ATP6V1A: variants seen among roughly 807,000 people sequenced by gnomAD.
ATP6V1A encodes the protein V-type proton ATPase catalytic subunit A.
ATP6V1A carries 18 observed loss-of-function variants against 70.1 expected under a neutral mutation model. The ratio of observed to expected loss-of-function variants is 0.26; its 90% CI spans 0.18 to 0.38. ATP6V1A has a LOEUF of 0.38. ATP6V1A is among the 10% of genes least tolerant of loss of function. ATP6V1A has a pLI of 1.00. For missense variants in ATP6V1A, 424 were observed against 772.4 expected, an observed-to-expected ratio of 0.55 and a Z score of 5.35; for synonymous variants, 232 against 253.8, an observed-to-expected ratio of 0.91 and a Z score of 0.82.
intron 1 of ATP6V1A, among the ~76,000 whole-genome samples, chr3:113,770,404 A>G (rs1708822557): frequency 6.6e-6 from 1 of 151,686 alleles, no homozygotes; most frequent in Non-Finnish European, 1.5e-5. Context: ...TAGGCCGGGC[A>G]CGGTGGCTTA....
intron 1 of ATP6V1A, among the ~76,000 whole-genome samples, chr3:113,770,174 A>G (rs1171722836): frequency 6.6e-6 from 1 of 151,844 alleles, no homozygotes; most frequent in Non-Finnish European, 1.5e-5. Flanking sequence ...CCAGCCTCCC[A>G]AGTAGCTGGG....
At chr3:113,791,921 T>G (rs1487650662) in intron 8 of ATP6V1A, among the ~76,000 whole-genome samples, 1 of 149,586 alleles carries the variant, frequency 6.7e-6, no homozygotes, top group Non-Finnish European at 1.5e-5. Context: ...CCTTCAAGTT[T>G]GCAGAAGCTT....
At chr3:113,788,623 A>G (rs950990023) in intron 6 of ATP6V1A, 90 bp from the exon 7 acceptor site, 8 of 1,251,110 alleles carry the variant, frequency 6.4e-6, no homozygotes, top group Non-Finnish European at 8.9e-6. Context: ...TGCTGGGATT[A>G]CAGGCGTGAG....
chr3:113,784,632 G>A, intron 4 of ATP6V1A, 64 bp from the exon 5 acceptor site: 1 of 1,566,216 alleles, frequency 6.4e-7, no homozygotes, highest in African/African-American at 1.4e-5. Flanking sequence ...TTAAATTATA[G>A]CAGCAGGGGC....
chr3:113,781,517 C>T (rs376126071), intron 3 of ATP6V1A, among the ~76,000 whole-genome samples: 7 of 150,844 alleles, frequency 4.6e-5, no homozygotes, highest in African/African-American at 1.7e-4. Flanking sequence ...GACTCCATCT[C>T]AGAAAAGAAA....
intron 8 of ATP6V1A, among the ~76,000 whole-genome samples, chr3:113,793,178 G>A (rs1048561662): frequency 1.7e-4 from 26 of 152,042 alleles, no homozygotes; most frequent in African/African-American, 6.0e-4. Context: ...TACAACCTCA[G>A]CCTCCCGAGT....
At chr3:113,794,817 A>G (rs1709136362) in intron 8 of ATP6V1A, 55 bp from the exon 9 acceptor site, 5 of 1,552,774 alleles carry the variant, frequency 3.2e-6, no homozygotes, top group South Asian at 2.4e-5. Context: ...GTGGAAAAAA[A>G]CAGGATTTTT....
At chr3:113,774,899 CG>C (rs1215913403) in intron 1 of ATP6V1A, among the ~76,000 whole-genome samples, 6 of 150,834 alleles carry the variant, frequency 4.0e-5, no homozygotes, top group Admixed American at 6.6e-5. Context: ...GCATGTAGAA[CG>C]TTTTTTTATT....
intron 8 of ATP6V1A, among the ~76,000 whole-genome samples, chr3:113,793,068 T>C (rs576971283): frequency 6.6e-6 from 1 of 152,150 alleles, no homozygotes; most frequent in Non-Finnish European, 1.5e-5. Context: ...TTTGTTTGTT[T>C]GTTGGTTTTG....
At chr3:113,751,629 T>C (rs1341964906) in intron 1 of ATP6V1A, among the ~76,000 whole-genome samples, 2 of 151,484 alleles carry the variant, frequency 1.3e-5, no homozygotes, top group African/African-American at 4.8e-5. Flanking sequence ...TATGGTGAAA[T>C]GATAGCGACT....
chr3:113,764,437 T>C (rs757926596), intron 1 of ATP6V1A, among the ~76,000 whole-genome samples: 24 of 152,322 alleles, frequency 1.6e-4, no homozygotes, highest in Non-Finnish European at 3.2e-4. Context: ...TAGTATTGAT[T>C]ACAATTATGT....
In ATP6V1A at chr3:113,808,254, G is replaced by A. The variant is rs1709300489; in HGVS notation, c.1762-1081G>A. Among the ~76,000 whole-genome samples, 4 of 150,988 alleles carry A rather than the reference G, an allele frequency of 2.6e-5. No homozygotes were observed. The South Asian group carries it at 8.3e-4, about 31-fold the overall frequency. On this transcript the variant is annotated intron_variant, in intron 14 of 14. Coordinates refer to ENST00000273398, the MANE Select transcript of ATP6V1A (RefSeq NM_001690.4). ...TGGAGTCCCAGAAGTGGAATGATTG[G>A]GTTAGAGACCTGGAACATTTTAAAG...
At chr3:113,804,265 C>T (rs2108045073) in intron 13 of ATP6V1A, among the ~76,000 whole-genome samples, 1 of 151,992 alleles carries the variant, frequency 6.6e-6, no homozygotes, top group African/African-American at 2.4e-5. Context: ...AGTGTTGGGA[C>T]TCAGGCATGA....
Position 113,761,503 on chromosome 3 carries a change from G to A in ATP6V1A, c.-14+14390G>A, listed in dbSNP as rs183478013. Among the ~76,000 whole-genome samples the A allele has an allele frequency of 3.3e-5, 5 of 151,906 alleles. No individual in the cohort carries two copies. In the East Asian group the frequency reaches 7.8e-4, roughly 24 times the overall value. ...TGTTATCCCAGCGCTTTGGGAGGCC[G>A]AGGTGGGTAGATCACCTGAGGTCGG... On this transcript the variant is annotated intron_variant, in intron 1 of 14. Coordinates refer to ENST00000273398, the MANE Select transcript of ATP6V1A (RefSeq NM_001690.4).
intron 1 of ATP6V1A, among the ~76,000 whole-genome samples, chr3:113,763,417 A>C (rs112167672): frequency 2.6e-5 from 4 of 152,308 alleles, no homozygotes; most frequent in African/African-American, 9.6e-5. Context: ...GTAGCTCTCT[A>C]ATGATTTGCT....
chr3:113,782,583 T>C (rs1262638463), intron 3 of ATP6V1A, among the ~76,000 whole-genome samples: 1 of 146,168 alleles, frequency 6.8e-6, no homozygotes, highest in African/African-American at 2.5e-5. Flanking sequence ...CGTATATATA[T>C]ACACATATAT....
intron 9 of ATP6V1A, 44 bp from the exon 10 acceptor site, chr3:113,795,046 G>C: frequency 6.2e-7 from 1 of 1,613,278 alleles, no homozygotes; most frequent in South Asian, 1.1e-5. Context: ...GATTTTCGGG[G>C]CTGGCTTAGA....
intron 5 of ATP6V1A, among the ~76,000 whole-genome samples, chr3:113,785,828 AAC>A (rs1291665088): frequency 4.8e-5 from 7 of 146,400 alleles, no homozygotes; most frequent in African/African-American, 1.8e-4. Flanking sequence ...ACTTATATTT[AAC>A]TATTTCTTTG....
At chr3:113,775,488 C>A (rs976921367) in intron 1 of ATP6V1A, among the ~76,000 whole-genome samples, 15 of 152,116 alleles carry the variant, frequency 9.9e-5, no homozygotes, top group Admixed American at 2.6e-4. Flanking sequence ...CCTCGGCCCC[C>A]CCAAGTGCTG....
Sources: allele counts gnomAD v4.1 joint callset (sites outside exome capture counted in the v4.1 genomes callset), GRCh38; gene constraint gnomAD v4.1.1; transcripts MANE v1.5; gene names NCBI Gene and HGNC (gene_info 2026-07-23, HGNC 2026-07-21).